Variants in RBFOX1 observed in about 807,000 individuals in gnomAD.
RBFOX1 encodes RNA binding protein fox-1 homolog 1.
RBFOX1 carries 8 observed loss-of-function variants against 57.7 expected under a neutral mutation model. The ratio of observed to expected loss-of-function variants is 0.14; its 90% CI spans 0.08 to 0.25. The LOEUF (loss-of-function observed/expected upper bound fraction) is 0.25. RBFOX1 is among the 10% of genes least tolerant of loss of function. The pLI, the probability that RBFOX1 is intolerant of heterozygous loss-of-function variation, is 1.00. For missense variants in RBFOX1, 611 were observed against 548.5 expected (o/e 1.11, Z -1.14); for synonymous variants, 326 against 222.4 (o/e 1.47, Z -4.15).
intron 1 of RBFOX1, among the ~76,000 whole-genome samples, chr16:5,279,283 T>C (rs1025908498): frequency 6.6e-6 from 1 of 152,134 alleles, no homozygotes; most frequent in Non-Finnish European, 1.5e-5. Flanking sequence ...GTTTTCATTG[T>C]CGAGGTTTTT....
intron 4 of RBFOX1, among the ~76,000 whole-genome samples, chr16:7,488,667 T>C (rs2066081439): frequency 6.6e-6 from 1 of 152,206 alleles, no homozygotes; most frequent in African/African-American, 2.4e-5. Flanking sequence ...CATCAATCTG[T>C]CCATCATCTA....
At chr16:5,712,323 C>T (rs2051520487) in intron 3 of RBFOX1, among the ~76,000 whole-genome samples, 1 of 152,208 alleles carries the variant, frequency 6.6e-6, no homozygotes, top group Non-Finnish European at 1.5e-5. Context: ...TCACAACCAC[C>T]TTCTAGGAGA....
chr16:6,351,323 C>T (rs868849554), intron 2 of RBFOX1, among the ~76,000 whole-genome samples: 1,219 of 112,928 alleles, frequency 0.011, 32 homozygotes, highest in African/African-American at 0.039. Flanking sequence ...ATATATATAA[C>T]GTGTGTGTGT....
At chr16:6,575,696 A>G (rs1304845800) in intron 2 of RBFOX1, among the ~76,000 whole-genome samples, 1 of 152,004 alleles carries the variant, frequency 6.6e-6, no homozygotes, top group Non-Finnish European at 1.5e-5. Context: ...TGTCTGTACT[A>G]AAAGTACAGA....
intron 3 of RBFOX1, among the ~76,000 whole-genome samples, chr16:5,664,094 C>T (rs1419803740): frequency 2.4e-4 from 37 of 152,228 alleles, no homozygotes; most frequent in Admixed American, 2.4e-3. Context: ...GCAGCTGCCT[C>T]TAGGCGTGCC....
At chr16:6,123,493 G>T (rs1184404996) in intron 1 of RBFOX1, among the ~76,000 whole-genome samples, 14 of 152,180 alleles carry the variant, frequency 9.2e-5, no homozygotes, top group Admixed American at 7.9e-4. Context: ...GTTACCAGGG[G>T]CTGAAATGTG....
At chr16:5,814,343 A>G (rs772670997) in intron 3 of RBFOX1, among the ~76,000 whole-genome samples, 6 of 152,210 alleles carry the variant, frequency 3.9e-5, no homozygotes, top group Non-Finnish European at 7.3e-5. Context: ...ACTCTAATTT[A>G]TATGAAGATC....
intron 10 of RBFOX1, among the ~76,000 whole-genome samples, chr16:7,610,513 C>T (rs984952969): frequency 6.6e-6 from 1 of 152,104 alleles, no homozygotes; most frequent in African/African-American, 2.4e-5. Flanking sequence ...CCAGCTGCCA[C>T]CACCACCACC....
chr16:6,797,963 C>G, intron 3 of RBFOX1, among the ~76,000 whole-genome samples: 1 of 151,894 alleles, frequency 6.6e-6, no homozygotes, highest in South Asian at 2.1e-4. Context: ...TGATGGTGAT[C>G]ACGGTGATGG....
In RBFOX1 at chr16:7,189,295, G is replaced by A. The variant is rs551662764; in HGVS notation, c.27+137197G>A. Among the ~76,000 whole-genome samples the A allele has an allele frequency of 1.2e-4, 18 of 151,624 alleles. No homozygotes were observed. In the South Asian group the frequency reaches 1.9e-3, roughly 16 times the overall value. On this transcript the variant is annotated intron_variant, in intron 4 of 15. Transcript: ENST00000550418. ...AAAAAAATTAGCCGGGCGTGGTGGC[G>A]GGCGCCTGAAGTCACAGCTACTCAG...
intron 3 of RBFOX1, among the ~76,000 whole-genome samples, chr16:6,840,505 A>G (rs1190712230): frequency 6.6e-6 from 1 of 152,102 alleles, no homozygotes; most frequent in East Asian, 1.9e-4. Flanking sequence ...TGAAATTCTA[A>G]TCCCAAGGTG....
rs193015558 is a variant in RBFOX1 at position 5,668,069 on chromosome 16, C to T, written c.318+69108C>T. Among the ~76,000 whole-genome samples, 440 of 152,140 alleles carry T rather than the reference C, an allele frequency of 2.9e-3. 8 individuals carry two copies. The highest frequency in any genetic ancestry group is 0.01 in the African/African-American group (422 of 41,522). On this transcript the variant is annotated intron_variant, in intron 3 of 19. Coordinates refer to the RBFOX1 transcript ENST00000641259. ...TCACCAACAAGCATGCTTTAAAAGG[C>T]CAGGAATTCAGGACCAACCTGATCA...
At position 6,506,624 on chromosome 16, in the gene RBFOX1, ATTTTTTTTTTTTTTTTTTTTTTT is replaced by A. The variant is rs71145238; in HGVS notation, c.-63-147960_-63-147938del. Among the ~76,000 whole-genome samples the A allele has an allele frequency of 2.7e-4, 27 of 98,426 alleles. 2 individuals are homozygous for A. Among genetic ancestry groups the A allele is most frequent in the South Asian group, 7.2e-4 (2 of 2,786 alleles). 64.6% of individuals were successfully genotyped at this position (98,426 alleles called of 152,430 possible). A position where few individuals can be genotyped will look rare whatever the true frequency, so the allele number is the denominator to read the frequency against. ...ACGGTAATAACAATCACAGTAGCTA[ATTTTTTTTTTTTTTTTTTTTTTT>A]TTTTTTTTTTTTTTTTTTGAGATGG... On this transcript the variant is annotated intron_variant, in intron 2 of 15. Transcript: ENST00000550418.
At chr16:7,046,461 A>G (rs755557303) in intron 3 of RBFOX1, among the ~76,000 whole-genome samples, 9 of 152,144 alleles carry the variant, frequency 5.9e-5, no homozygotes, top group African/African-American at 1.2e-4. Flanking sequence ...TGTTTTTACA[A>G]TTTATACATA....
intron 3 of RBFOX1, among the ~76,000 whole-genome samples, chr16:6,746,595 C>G (rs990725924): frequency 6.6e-6 from 1 of 151,922 alleles, no homozygotes; most frequent in African/African-American, 2.4e-5. Flanking sequence ...GGGGGATCAC[C>G]TGAACCTGGG....
At chr16:5,424,947 TC>T (rs1567490227) in intron 1 of RBFOX1, among the ~76,000 whole-genome samples, 43 of 79,082 alleles carry the variant, frequency 5.4e-4, no homozygotes, top group Non-Finnish European at 9.6e-4. Flanking sequence ...CTCTCTTCTT[TC>T]TTCCTTTGTT....
intron 3 of RBFOX1, among the ~76,000 whole-genome samples, chr16:6,812,776 C>G (rs373140153): frequency 2.0e-5 from 3 of 152,086 alleles, no homozygotes; most frequent in Non-Finnish European, 4.4e-5. Context: ...TGCTCATAAG[C>G]GGCATTTTCC....
rs535880387 is a variant in RBFOX1 at position 5,901,860 on chromosome 16, C to T, written c.351+34525C>T. 1.1e-3 allele frequency among the ~76,000 whole-genome samples: 171 copies of T among 152,244 alleles called. 3 individuals carry two copies. The highest frequency in any genetic ancestry group is 0.011 in the South Asian group (51 of 4,820). ...ATCATTTCGTCTCTGCTGAAAATTC[C>T]TTCCCTCAATCTGCCTATGCCCAAG... On this transcript the variant is annotated intron_variant, in intron 4 of 19. Transcript: ENST00000641259.
At chr16:6,931,777 A>C (rs1343404209) in intron 3 of RBFOX1, among the ~76,000 whole-genome samples, 1 of 152,154 alleles carries the variant, frequency 6.6e-6, no homozygotes, top group Non-Finnish European at 1.5e-5. Context: ...TCTGCCACAA[A>C]CTGGGTAATT....
Sources: gnomAD v4.1 joint callset for allele counts (sites outside exome capture counted in the v4.1 genomes callset) on GRCh38, gnomAD v4.1.1 for gene constraint, MANE v1.5 for transcripts, NCBI Gene and HGNC (gene_info 2026-07-23, HGNC 2026-07-21) for gene names.